SCRG1: variants seen among roughly 807,000 people sequenced by gnomAD.
The protein encoded by SCRG1 is scrapie-responsive protein 1.
SCRG1 carries 3 observed loss-of-function variants against 7.7 expected under a neutral mutation model. That is an observed-to-expected ratio of 0.39 (90% CI 0.18 to 1.01). The LOEUF (loss-of-function observed/expected upper bound fraction) is 1.01. Among genes scored for constraint, SCRG1 ranks in the 50% least tolerant of loss-of-function variants. The pLI is 0.36. For synonymous variants in SCRG1, 46 were observed against 41.2 expected (o/e 1.12, Z -0.44); for missense variants, 110 against 117.2 (o/e 0.94, Z 0.28).
chr4:173,509,664 C>G, the SCRG1 span, among the ~76,000 whole-genome samples: 1 of 152,160 alleles, frequency 6.6e-6, no homozygotes, highest in Non-Finnish European at 1.5e-5. This position sits in a 1 kb window ranked among gnomAD's most constrained non-coding sequence, Gnocchi z 5.7. Context: ...CTGGGCCGCG[C>G]GGCTGCAGCC....
the SCRG1 span, chr4:173,470,031 G>C: frequency 2.0e-5 from 3 of 151,618 alleles, no homozygotes; most frequent in African/African-American, 7.3e-5. Flanking sequence ...AGAATGCCCA[G>C]ACAGAGTCAG....
chr4:173,406,196 C>T (rs1739901742), intron 1 of SCRG1: 1 of 152,210 alleles, frequency 6.6e-6, no homozygotes, highest in African/African-American at 2.4e-5. Context: ...CTACTATCAG[C>T]CACTTATTTA....
At chr4:173,496,061 T>C in the SCRG1 span, among the ~76,000 whole-genome samples, 2 of 152,160 alleles carry the variant, frequency 1.3e-5, no homozygotes, top group Non-Finnish European at 2.9e-5. Flanking sequence ...GAGTATTCAA[T>C]ATAGCTCAGA....
chr4:173,401,719 C>T (rs115665578), upstream of SCRG1, among the ~76,000 whole-genome samples: 272 of 152,330 alleles, frequency 1.8e-3, 1 homozygote, highest in African/African-American at 6.2e-3. Context: ...GGATCATGTT[C>T]TGAGCCACTT....
the SCRG1 span, chr4:173,468,186 CTATGTTTAGA>C: frequency 9.1e-4 from 139 of 152,506 alleles, no homozygotes; most frequent in African/African-American, 3.3e-3. Context: ...TGTATCTTTT[CTATGTTTAGA>C]TATGTTTAGA....
At chr4:173,466,682 G>A in the SCRG1 span, among the ~76,000 whole-genome samples, 6 of 152,162 alleles carry the variant, frequency 3.9e-5, no homozygotes, top group Non-Finnish European at 7.4e-5. Flanking sequence ...TACTGCATCT[G>A]AAGTATGTGG....
intron 1 of SCRG1, among the ~76,000 whole-genome samples, chr4:173,398,000 C>A (rs1401040309): frequency 6.6e-6 from 1 of 152,202 alleles, no homozygotes; most frequent in Non-Finnish European, 1.5e-5. Flanking sequence ...AATTGCTGCC[C>A]AGTCTGTGAT....
chr4:173,464,233 T>G, the SCRG1 span, among the ~76,000 whole-genome samples: 1 of 152,126 alleles, frequency 6.6e-6, no homozygotes, highest in Non-Finnish European at 1.5e-5. Context: ...TTATGAAAAA[T>G]TTCTAGAGAT....
chr4:173,516,191 C>A, the SCRG1 span, among the ~76,000 whole-genome samples: 4 of 152,254 alleles, frequency 2.6e-5, no homozygotes, highest in East Asian at 5.8e-4. Flanking sequence ...CCGCTTCTGG[C>A]GAATCCCAGA....
At chr4:173,413,878 C>G in the SCRG1 span, among the ~76,000 whole-genome samples, 2 of 152,186 alleles carry the variant, frequency 1.3e-5, no homozygotes, top group African/African-American at 4.8e-5. Flanking sequence ...TCTCCAATAT[C>G]TGGATGCTGC....
the SCRG1 span, among the ~76,000 whole-genome samples, chr4:173,485,935 A>G: frequency 6.6e-6 from 1 of 152,148 alleles, no homozygotes; most frequent in South Asian, 2.1e-4. Context: ...GTGCCACCGC[A>G]CTCCAGCCTG....
At chr4:173,430,825 A>G in the SCRG1 span, among the ~76,000 whole-genome samples, 1 of 151,088 alleles carries the variant, frequency 6.6e-6, no homozygotes. Context: ...AAAAAAAAAA[A>G]AAAAAAGAGA....
the SCRG1 span, among the ~76,000 whole-genome samples, chr4:173,445,326 T>C: frequency 6.6e-6 from 1 of 152,110 alleles, no homozygotes; most frequent in Non-Finnish European, 1.5e-5. Context: ...CTCATGCCTG[T>C]AATCCCAGCA....
chr4:173,409,468 T>G (rs1381803250), upstream of SCRG1, among the ~76,000 whole-genome samples: 1 of 152,202 alleles, frequency 6.6e-6, no homozygotes, highest in African/African-American at 2.4e-5. Flanking sequence ...CCCATGAAAC[T>G]ATTTGTGCTA....
the SCRG1 span, among the ~76,000 whole-genome samples, chr4:173,453,649 A>G: frequency 6.6e-6 from 1 of 152,240 alleles, no homozygotes; most frequent in Non-Finnish European, 1.5e-5. Context: ...ATATGGTGTG[A>G]TAATCTTATG....
At chr4:173,398,243 T>C (rs2126919864) in intron 1 of SCRG1, 1 of 152,302 alleles carries the variant, frequency 6.6e-6, no homozygotes, top group Non-Finnish European at 1.5e-5. Flanking sequence ...AGACATATCA[T>C]CTTAAATATC....
chr4:173,443,014 C>T, the SCRG1 span, among the ~76,000 whole-genome samples: 3 of 152,146 alleles, frequency 2.0e-5, no homozygotes, highest in African/African-American at 7.2e-5. Flanking sequence ...TAATAGTGCA[C>T]ATTTGAAGTA....
chr4:173,505,512 G>A, the SCRG1 span, among the ~76,000 whole-genome samples: 7 of 152,156 alleles, frequency 4.6e-5, no homozygotes, highest in Admixed American at 3.9e-4. The surrounding 1 kb of genome is among the most constrained non-coding windows in gnomAD (Gnocchi z 4.4). Flanking sequence ...GCTAGACAGC[G>A]GAGAAGCTCT....
At chr4:173,507,498 C>A in the SCRG1 span, among the ~76,000 whole-genome samples, 1 of 152,234 alleles carries the variant, frequency 6.6e-6, no homozygotes, top group Non-Finnish European at 1.5e-5. The surrounding 1 kb of genome is among the most constrained non-coding windows in gnomAD (Gnocchi z 4.4). Context: ...GCGTGAGCCT[C>A]CCGGCCTGGC....
Sources: allele counts gnomAD v4.1 joint callset (sites outside exome capture counted in the v4.1 genomes callset), GRCh38; gene constraint gnomAD v4.1.1; non-coding constraint Gnocchi (gnomAD v3.1); transcripts MANE v1.5; gene names NCBI Gene and HGNC (gene_info 2026-07-23, HGNC 2026-07-21).